Variants in PTPN13 observed in about 807,000 individuals in gnomAD.
PTPN13 encodes tyrosine-protein phosphatase non-receptor type 13.
In PTPN13, 191 loss-of-function variants were observed where a neutral mutation model predicts 284.0. The ratio of observed to expected loss-of-function variants is 0.67; its 90% CI spans 0.60 to 0.76. The LOEUF (loss-of-function observed/expected upper bound fraction) is 0.76, where lower values mean the gene tolerates loss of function less well. Among genes scored for constraint, PTPN13 ranks in the 30% least tolerant of loss-of-function variants. The pLI, the probability that PTPN13 is intolerant of heterozygous loss-of-function variation, is 0.00. For synonymous variants in PTPN13, 986 were observed against 1,022.3 expected, an observed-to-expected ratio of 0.96 and a Z score of 0.68; for missense variants, 2,797 against 2,939.9, an observed-to-expected ratio of 0.95 and a Z score of 1.12.
chr4:86,734,553 A>C, intron 13 of PTPN13, 97 bp downstream of exon 13: 7 of 1,292,554 alleles, frequency 5.4e-6, no homozygotes, highest in Non-Finnish European at 7.3e-6. Context: ...AATCAATGAT[A>C]ATGTCTGCTT....
At chr4:86,646,485 A>T (rs1288541927) in intron 2 of PTPN13, among the ~76,000 whole-genome samples, 1 of 152,036 alleles carries the variant, frequency 6.6e-6, no homozygotes, top group Non-Finnish European at 1.5e-5. Context: ...TTTAGTAAAG[A>T]CGGGATTTTG....
intron 40 of PTPN13, among the ~76,000 whole-genome samples, chr4:86,792,617 CA>C (rs1742818017): frequency 6.6e-6 from 1 of 152,168 alleles, no homozygotes; most frequent in African/African-American, 2.4e-5. Flanking sequence ...AGAGAAAGGT[CA>C]GGTTGCCCAC....
At chr4:86,625,044 C>T (rs1721676037) in intron 1 of PTPN13, among the ~76,000 whole-genome samples, 1 of 152,072 alleles carries the variant, frequency 6.6e-6, no homozygotes. Flanking sequence ...AAGTCCTCCA[C>T]CTAACATTTC....
chr4:86,677,270 AAAC>A (rs969927522), intron 3 of PTPN13, among the ~76,000 whole-genome samples: 9 of 151,894 alleles, frequency 5.9e-5, no homozygotes, highest in Admixed American at 5.2e-4. Context: ...CTGTCTCAAA[AAAC>A]AACAACAACA....
intron 2 of PTPN13, among the ~76,000 whole-genome samples, chr4:86,657,233 C>T (rs999386838): frequency 4.6e-5 from 7 of 152,072 alleles, no homozygotes; most frequent in African/African-American, 1.7e-4. Flanking sequence ...ACCCACTGTC[C>T]TGCACCCACT....
chr4:86,669,293 A>ATATG (rs1372275136), intron 2 of PTPN13, among the ~76,000 whole-genome samples: 1 of 130,334 alleles, frequency 7.7e-6, no homozygotes, highest in Non-Finnish European at 1.7e-5. Context: ...ATGTATATAT[A>ATATG]TATATATATA....
intron 7 of PTPN13, among the ~76,000 whole-genome samples, chr4:86,702,003 AT>A (rs1331266713): frequency 2.6e-5 from 4 of 152,146 alleles, no homozygotes; most frequent in African/African-American, 9.7e-5. Context: ...CCACAAAGTC[AT>A]CCCTAATAAA....
chr4:86,731,604 T>C (rs192496019), intron 10 of PTPN13, among the ~76,000 whole-genome samples: 41 of 152,324 alleles, frequency 2.7e-4, no homozygotes, highest in Non-Finnish European at 4.9e-4. Flanking sequence ...ACAAAGTAGA[T>C]GTCTTTTAAC....
chr4:86,784,548 T>C lies in PTPN13; in HGVS notation c.6108T>C (p.Thr2036=), dbSNP rs542334551. 6.2e-6 allele frequency: 10 copies of C among 1,605,096 alleles called. No individual in the cohort carries two copies. The highest frequency in any genetic ancestry group is 3.3e-4 in the Middle Eastern group (2 of 6,044). The change falls in exon 38 of 48, where the codon ACT becomes ACC. Residue 2036 remains threonine, a synonymous_variant. Coordinates refer to ENST00000411767, the MANE Select transcript of PTPN13 (RefSeq NM_080683.3). ...AGATAAAGGGATCACCAAACTTGAC[T>C]CTGCCCAAAGGTAGTTTTCCAAATC... ...TYQIKGSPNL[T]LPKESYIQED...
chr4:86,765,367 A>G, intron 25 of PTPN13, 28 bp from the exon 26 acceptor site: 1 of 1,542,558 alleles, frequency 6.5e-7, no homozygotes. Context: ...TCATGTTATA[A>G]AATATTATTT....
At chr4:86,645,898 T>A (rs2148781569) in intron 2 of PTPN13, among the ~76,000 whole-genome samples, 1 of 151,976 alleles carries the variant, frequency 6.6e-6, no homozygotes, top group East Asian at 1.9e-4. Context: ...AAAAGAACAA[T>A]GTTTAAGGAC....
chr4:86,693,015 G>T (rs1001646506), intron 5 of PTPN13, among the ~76,000 whole-genome samples: 3 of 150,006 alleles, frequency 2.0e-5, no homozygotes, highest in African/African-American at 7.4e-5. Context: ...GGAGGCAGAG[G>T]TTGCAGTGAA....
chr4:86,700,826 A>G (rs1328968607), intron 6 of PTPN13, among the ~76,000 whole-genome samples: 1 of 152,226 alleles, frequency 6.6e-6, no homozygotes, highest in African/African-American at 2.4e-5. Context: ...CTAGGGCTTT[A>G]TAGTGATATG....
intron 40 of PTPN13, among the ~76,000 whole-genome samples, chr4:86,795,899 G>A (rs1425217129): frequency 2.0e-5 from 3 of 152,282 alleles, no homozygotes; most frequent in East Asian, 1.9e-4. Flanking sequence ...GGGTTTGGGG[G>A]CCTGGGGGAG....
chr4:86,611,702 A>G (rs1417328254), intron 1 of PTPN13, among the ~76,000 whole-genome samples: 1 of 152,204 alleles, frequency 6.6e-6, no homozygotes, highest in Non-Finnish European at 1.5e-5. Context: ...AACCAGATGG[A>G]GAATGGTAGA....
intron 2 of PTPN13, among the ~76,000 whole-genome samples, chr4:86,637,057 G>A (rs1161768435): frequency 6.6e-6 from 1 of 152,036 alleles, no homozygotes; most frequent in South Asian, 2.1e-4. Context: ...ATACCTCTAC[G>A]CAAATAAACT....
chr4:86,734,629 T>C, intron 13 of PTPN13, 108 bp from the exon 14 acceptor site: 2 of 1,346,272 alleles, frequency 1.5e-6, no homozygotes, highest in Non-Finnish European at 2.0e-6. Context: ...AGCTTAATAA[T>C]AAGCTTAGTA....
At chr4:86,655,338 G>A (rs1233410694) in intron 2 of PTPN13, among the ~76,000 whole-genome samples, 4 of 152,120 alleles carry the variant, frequency 2.6e-5, no homozygotes, top group East Asian at 3.9e-4. Flanking sequence ...TCCTAGCATC[G>A]ATGGTCTTTA....
chr4:86,619,099 A>G (rs992185992), intron 1 of PTPN13, among the ~76,000 whole-genome samples: 5 of 152,284 alleles, frequency 3.3e-5, no homozygotes, highest in Non-Finnish European at 7.4e-5. Context: ...CACAATGCCA[A>G]TCAGTGGCAG....
Sources: gnomAD v4.1 joint callset for allele counts (sites outside exome capture counted in the v4.1 genomes callset) on GRCh38, gnomAD v4.1.1 for gene constraint, MANE v1.5 for transcripts, NCBI Gene and HGNC (gene_info 2026-07-23, HGNC 2026-07-21) for gene names.